Variants in PCCA observed in about 807,000 individuals in gnomAD.
PCCA encodes propionyl-CoA carboxylase subunit alpha.
Under a neutral mutation model 101.3 loss-of-function variants are expected in PCCA, and 74 were observed. The ratio of observed to expected loss-of-function variants is 0.73; its 90% CI spans 0.61 to 0.89. PCCA has a LOEUF of 0.89. Among genes scored for constraint, PCCA ranks in the 40% least tolerant of loss-of-function variants. The pLI, the probability that PCCA is intolerant of heterozygous loss-of-function variation, is 0.00. For synonymous variants in PCCA, 294 were observed against 313.6 expected, an observed-to-expected ratio of 0.94 and a Z score of 0.66; for missense variants, 891 against 907.0, an observed-to-expected ratio of 0.98 and a Z score of 0.23.
chr13:100,530,044 G>A, intron 23 of PCCA, 54 bp from the exon 24 acceptor site: 3 of 1,393,730 alleles, frequency 2.2e-6, no homozygotes, highest in Non-Finnish European at 3.1e-6. Flanking sequence ...CCGCCTCTTG[G>A]TTCTGGTTAC....
chr13:100,345,701 G>A (rs547805308), intron 18 of PCCA, among the ~76,000 whole-genome samples: 3 of 152,278 alleles, frequency 2.0e-5, no homozygotes, highest in African/African-American at 7.2e-5. Context: ...GAAAGAAGAT[G>A]CCATCTCATA....
rs146740680 is a variant in PCCA, at chr13:100,293,404, A to G, written c.1066-8056A>G. 1.4e-4 allele frequency: 41 copies of G among 289,694 alleles called. No homozygotes were observed. The East Asian group carries it at 3.8e-3, about 27-fold the overall frequency. 17.9% of individuals were successfully genotyped at this position (289,694 alleles called of 1,614,324 possible). A position where few individuals can be genotyped will look rare whatever the true frequency, so the allele number is the denominator to read the frequency against. ...GCCCTTTGCCATTTGTTTAAAAATT[A>G]AGAATTATTGCAACCTAAATTCTGG... On this transcript the variant is annotated intron_variant, in intron 12 of 23. Transcript: ENST00000376285.
chr13:100,150,626 C>T lies in PCCA; in HGVS notation c.301-4353C>T, dbSNP rs1425623025. ...ATGTCAGCCCACACATCTCCCTGTG[C>T]TGTGGACTGATTTGGTGATCCATTA... On this transcript the variant is annotated intron_variant, in intron 4 of 23. Coordinates refer to ENST00000376285, the MANE Select transcript of PCCA (RefSeq NM_000282.4). 9 of 1,234,910 alleles carry T rather than the reference C, an allele frequency of 7.3e-6. No homozygotes were observed. In the Admixed American group the frequency reaches 1.0e-4, roughly 14 times the overall value. The allele number at this position is 1,234,910 out of a possible 1,614,324, so 76.5% of individuals were successfully genotyped here.
chr13:100,199,426 A>G (rs973590387), intron 6 of PCCA, among the ~76,000 whole-genome samples: 3 of 151,940 alleles, frequency 2.0e-5, no homozygotes, highest in Admixed American at 2.0e-4. Context: ...CCTTTTCTTC[A>G]TGACTTATCT....
At chr13:100,311,049 G>A (rs2066871723) in intron 16 of PCCA, among the ~76,000 whole-genome samples, 1 of 151,798 alleles carries the variant, frequency 6.6e-6, no homozygotes, top group South Asian at 2.1e-4. Context: ...GCTGGGCAAA[G>A]ATGGTGAAAC....
At chr13:100,215,082 A>C (rs755962748) in intron 7 of PCCA, among the ~76,000 whole-genome samples, 1 of 152,164 alleles carries the variant, frequency 6.6e-6, no homozygotes, top group Non-Finnish European at 1.5e-5. Flanking sequence ...TTATGTGCTT[A>C]GTCATATCTG....
intron 6 of PCCA, among the ~76,000 whole-genome samples, chr13:100,172,584 G>A (rs1444920114): frequency 6.6e-6 from 1 of 152,120 alleles, no homozygotes; most frequent in Non-Finnish European, 1.5e-5. Flanking sequence ...CCATTTAAAA[G>A]CAATAGAAGT....
chr13:100,193,927 C>G (rs1458348793), intron 6 of PCCA, among the ~76,000 whole-genome samples: 1 of 151,994 alleles, frequency 6.6e-6, no homozygotes. Flanking sequence ...AAAAATTATC[C>G]TGGCGTGGTA....
intron 18 of PCCA, among the ~76,000 whole-genome samples, chr13:100,364,018 C>G (rs1190889772): frequency 6.6e-6 from 1 of 152,024 alleles, no homozygotes; most frequent in Non-Finnish European, 1.5e-5. Context: ...GTGGACAGAC[C>G]TGGGTTAGAG....
chr13:100,119,905 CTT>C (rs2049197811), intron 4 of PCCA, among the ~76,000 whole-genome samples: 2 of 152,084 alleles, frequency 1.3e-5, no homozygotes, highest in African/African-American at 2.4e-5. Flanking sequence ...GAGTTTTGCT[CTT>C]GTTGTCCAGG....
chr13:100,257,813 AGATT>A (rs2062177073), intron 9 of PCCA, 140 bp downstream of exon 9: 1 of 687,552 alleles, frequency 1.5e-6, no homozygotes, highest in Admixed American at 2.1e-5. Context: ...AATGGGAAAA[AGATT>A]GAAATTATGT....
intron 19 of PCCA, among the ~76,000 whole-genome samples, chr13:100,401,891 G>C (rs899611756): frequency 6.6e-6 from 1 of 151,982 alleles, no homozygotes; most frequent in South Asian, 2.1e-4. Flanking sequence ...TTTTGTAGAC[G>C]TGAAAGTGAA....
intron 22 of PCCA, among the ~76,000 whole-genome samples, chr13:100,517,684 G>A (rs1419814743): frequency 6.6e-6 from 1 of 152,142 alleles, no homozygotes; most frequent in Non-Finnish European, 1.5e-5. Flanking sequence ...CAGGTGGGGC[G>A]TATACTTGCT....
chr13:100,188,077 G>A lies in PCCA; in HGVS notation c.469-21255G>A, dbSNP rs375218253. ...TGGGAGGCCGAGGTGGGCGGATCAC[G>A]AGGTCAAGAGATCGAGACCACCCTG... is the stretch of plus-strand genomic sequence containing the variant. On this transcript the variant is annotated intron_variant, in intron 6 of 23. Coordinates refer to ENST00000376285, the MANE Select transcript of PCCA (RefSeq NM_000282.4). Among the ~76,000 whole-genome samples, 148 of 152,226 alleles carry A rather than the reference G, an allele frequency of 9.7e-4. 4 individuals are homozygous for A. The South Asian group carries it at 0.028, about 29-fold the overall frequency.
chr13:100,263,827 A>ACGGTATC (rs2062697466), intron 10 of PCCA, among the ~76,000 whole-genome samples: 7 of 47,436 alleles, frequency 1.5e-4, no homozygotes, highest in East Asian at 9.6e-4. Context: ...TATCATATAT[A>ACGGTATC]TGGTATCTGT....
intron 20 of PCCA, among the ~76,000 whole-genome samples, chr13:100,433,148 C>A (rs1235693740): frequency 6.6e-6 from 1 of 152,176 alleles, no homozygotes; most frequent in East Asian, 1.9e-4. Flanking sequence ...TGGGCATATG[C>A]CCAGAAGTGG....
At chr13:100,507,830 G>T (rs575272912) in intron 21 of PCCA, among the ~76,000 whole-genome samples, 1 of 152,082 alleles carries the variant, frequency 6.6e-6, no homozygotes, top group East Asian at 1.9e-4. Flanking sequence ...CTAATTTTTT[G>T]GATTTTTAGT....
chr13:100,345,457 C>T (rs1450575289), intron 18 of PCCA, among the ~76,000 whole-genome samples: 3 of 152,184 alleles, frequency 2.0e-5, no homozygotes, highest in Non-Finnish European at 2.9e-5. Flanking sequence ...CTCTTCAATT[C>T]TGTGAAGGGT....
intron 4 of PCCA, among the ~76,000 whole-genome samples, chr13:100,120,463 G>T (rs2049267130): frequency 6.6e-6 from 1 of 152,092 alleles, no homozygotes; most frequent in Admixed American, 6.6e-5. Context: ...AGGTTATTTA[G>T]TTGGCTTATT....
Sources: gnomAD v4.1 joint callset for allele counts (sites outside exome capture counted in the v4.1 genomes callset) on GRCh38, gnomAD v4.1.1 for gene constraint, MANE v1.5 for transcripts, NCBI Gene and HGNC (gene_info 2026-07-23, HGNC 2026-07-21) for gene names.